Variants in BTBD7 observed in about 807,000 individuals in gnomAD.
BTBD7 encodes the protein BTB domain containing 7.
In BTBD7, 38 loss-of-function variants were observed where a neutral mutation model predicts 99.9. The observed-to-expected ratio is 0.38, with a 90% CI of 0.29 to 0.50. The LOEUF is 0.50. Ranked by LOEUF, BTBD7 falls within the 20% of genes least tolerant of loss-of-function variation. BTBD7 has a pLI of 0.93. For synonymous variants in BTBD7, 520 were observed against 511.4 expected (o/e 1.02, Z -0.23); for missense variants, 1,170 against 1,394.6 (o/e 0.84, Z 2.57).
chr14:93,263,887 T>A lies in BTBD7; in HGVS notation c.1269A>T (p.Leu423Phe). The change falls in exon 4 of 11, where the codon TTA becomes TTT. Residue 423 changes from leucine to phenylalanine, a missense_variant. By Grantham distance (22) the Leu-to-Phe change is conservative. Around this residue, in one of 4 missense-constraint regions of BTBD7, gnomAD observed 309 missense variants for 342.0 expected, o/e 0.90. Coordinates refer to ENST00000334746, the MANE Select transcript of BTBD7 (RefSeq NM_001002860.4). ...GGGAAAATTCCTCACAGAGGAAATG[T>A]AAAGCTTGTCGGTGCACCCATTTAG... ...YGSKWVHRQALHFLCEEFSQV... is the reference protein window; with the variant it reads ...YGSKWVHRQAFHFLCEEFSQV... 1.9e-6 allele frequency: 3 copies of A among 1,614,158 alleles called. No homozygotes were observed. Among genetic ancestry groups the A allele is most frequent in the Non-Finnish European group, 2.5e-6 (3 of 1,180,012 alleles).
chr14:93,242,086 T>TAAAA lies in BTBD7; in HGVS notation c.*183_*186dup. The TAAAA allele has an allele frequency of 1.2e-5, 6 of 485,776 alleles. No homozygotes were observed. The highest frequency in any genetic ancestry group is 1.0e-4 in the East Asian group (3 of 29,994). The allele number at this position is 485,776 out of a possible 1,614,324, so 30.1% of individuals were successfully genotyped here. ...AAGACAAATTAGACAGATGCAACAT[T>TAAAA]AAAAAAAAAAAACAAAACCTTCTTA... On this transcript the variant is annotated 3_prime_UTR_variant, in exon 11 of 11. Transcript: ENST00000334746.
At chr14:93,267,541 C>T (rs2052555573) in intron 3 of BTBD7, among the ~76,000 whole-genome samples, 2 of 152,226 alleles carry the variant, frequency 1.3e-5, no homozygotes, top group South Asian at 4.1e-4. Context: ...CGGCCTTCAC[C>T]TCATTATATC....
chr14:93,323,041 T>G (rs913439247), intron 1 of BTBD7, among the ~76,000 whole-genome samples: 1 of 152,114 alleles, frequency 6.6e-6, no homozygotes, highest in African/African-American at 2.4e-5. Flanking sequence ...GACAATCTCT[T>G]GAGCCTATGA....
rs1484145131 is a variant in BTBD7 at position 93,294,014 on chromosome 14, C to T, written c.1006G>A (p.Val336Met). ...TVILHCMYTD[V>M]VDLSVLHCSP... ...CAGTGCAAAACAGAGAGGTCCACCA[C>T]GTCGGTATACATACAGTGTAATATC... Residue 336 changes from valine (V) to methionine (M), a missense_variant, in exon 3 of 11, where the codon GTG (valine) becomes ATG (methionine). Val to Met is a conservative substitution (Grantham distance 21). Coordinates refer to ENST00000334746, the MANE Select transcript of BTBD7 (RefSeq NM_001002860.4). 14 of 1,613,806 alleles carry T rather than the reference C, an allele frequency of 8.7e-6. No individual in the cohort carries two copies. Among genetic ancestry groups the T allele is most frequent in the Admixed American group, 1.7e-5 (1 of 59,998 alleles).
chr14:93,276,283 T>G (rs2052655612), intron 3 of BTBD7, among the ~76,000 whole-genome samples: 1 of 152,212 alleles, frequency 6.6e-6, no homozygotes, highest in Non-Finnish European at 1.5e-5. Context: ...ATACTATATT[T>G]CCAATCTAAG....
chr14:93,291,467 A>G (rs2139762262), intron 3 of BTBD7, among the ~76,000 whole-genome samples: 1 of 152,312 alleles, frequency 6.6e-6, no homozygotes, highest in South Asian at 2.1e-4. Context: ...TCCTACCTCA[A>G]GCGAGCTAAT....
Position 93,253,667 on chromosome 14 carries a change from G to T in BTBD7, c.1732C>A (p.Pro578Thr). 6.2e-7 allele frequency: 1 copy of T among 1,610,414 alleles called. No homozygotes were observed. ...GIYVRPRLFS[P>T]YVEEAKSVLD... ...ATTACCTTTGCTTCTTCCACATAGG[G>T]AGAGAAGAGTCGAGGACGAACATAG... The change falls in exon 7 of 11, where the codon CCC becomes ACC. Residue 578 changes from proline to threonine, a missense_variant. Pro to Thr is a conservative substitution (Grantham distance 38, BLOSUM62 -1). Around this residue, in one of 4 missense-constraint regions of BTBD7, gnomAD observed 309 missense variants for 342.0 expected, o/e 0.90. Transcript: ENST00000334746.
At chr14:93,310,770 CTTTTTTT>C (rs56756515) in intron 1 of BTBD7, among the ~76,000 whole-genome samples, 210 of 116,674 alleles carry the variant, frequency 1.8e-3, no homozygotes, top group Non-Finnish European at 1.6e-3. Context: ...AACCAAAAAA[CTTTTTTT>C]TTTTTTTTTT....
intron 1 of BTBD7, among the ~76,000 whole-genome samples, chr14:93,328,254 G>C (rs2053356432): frequency 6.6e-6 from 1 of 152,040 alleles, no homozygotes. Context: ...TGCAGAAATA[G>C]AAAAACCCAT....
intron 5 of BTBD7, among the ~76,000 whole-genome samples, chr14:93,260,869 T>C (rs1244980476): frequency 6.6e-6 from 1 of 152,074 alleles, no homozygotes; most frequent in African/African-American, 2.4e-5. Context: ...CTACAACATT[T>C]AAAAATAAAC....
chr14:93,269,014 C>A (rs1197509400), intron 3 of BTBD7, among the ~76,000 whole-genome samples: 1 of 152,144 alleles, frequency 6.6e-6, no homozygotes, highest in Non-Finnish European at 1.5e-5. Flanking sequence ...CCGCCTCGGC[C>A]ACCCAAAGTG....
At chr14:93,284,071 CTTT>C (rs1327767646) in intron 3 of BTBD7, among the ~76,000 whole-genome samples, 1 of 151,386 alleles carries the variant, frequency 6.6e-6, no homozygotes, top group African/African-American at 2.4e-5. Context: ...ATTACTATAC[CTTT>C]TTATTATTAA....
chr14:93,271,130 T>C (rs1006022783), intron 3 of BTBD7, among the ~76,000 whole-genome samples: 6 of 152,218 alleles, frequency 3.9e-5, no homozygotes, highest in Non-Finnish European at 8.8e-5. Flanking sequence ...CTGTTTTTAT[T>C]ATCAATTTTT....
At chr14:93,318,306 A>G (rs2053230144) in intron 1 of BTBD7, among the ~76,000 whole-genome samples, 1 of 152,234 alleles carries the variant, frequency 6.6e-6, no homozygotes, top group Admixed American at 6.5e-5. Flanking sequence ...GTAACCTTTA[A>G]AAGGAGGAAG....
At chr14:93,300,732 G>C (rs1315889212) in intron 1 of BTBD7, among the ~76,000 whole-genome samples, 1 of 83,102 alleles carries the variant, frequency 1.2e-5, no homozygotes, top group Non-Finnish European at 2.2e-5. Context: ...GTGTGTGTGT[G>C]TGTGTGTGTG....
In BTBD7 at chr14:93,238,929, G is replaced by A. The variant is rs2052190540; in HGVS notation, c.*3344C>T. 1 of 152,180 alleles carries A rather than the reference G, an allele frequency of 6.6e-6. No homozygotes were observed. Among genetic ancestry groups the A allele is most frequent in the African/African-American group, 2.4e-5 (1 of 41,448 alleles). 9.4% of individuals were successfully genotyped at this position (152,180 alleles called of 1,614,324 possible). A position where few individuals can be genotyped will look rare whatever the true frequency, so the allele number is the denominator to read the frequency against. On this transcript the variant is annotated 3_prime_UTR_variant, in exon 11 of 11. Transcript: ENST00000334746. ...TCTGAGGAAGCAAAAACAAGAATTAGTTAAGGCTTCATAAAGAATTCTATA... is the reference window on the plus strand; with the variant it reads ...TCTGAGGAAGCAAAAACAAGAATTAATTAAGGCTTCATAAAGAATTCTATA...
At chr14:93,248,309 G>A (rs759834680) in intron 9 of BTBD7, among the ~76,000 whole-genome samples, 167 bp downstream of exon 9, 4 of 152,116 alleles carry the variant, frequency 2.6e-5, no homozygotes, top group South Asian at 2.1e-4. Flanking sequence ...ACTCCATGAC[G>A]CTGCCTCTCA....
intron 1 of BTBD7, among the ~76,000 whole-genome samples, chr14:93,312,987 A>G (rs2053156267): frequency 6.6e-6 from 1 of 152,206 alleles, no homozygotes; most frequent in Admixed American, 6.5e-5. Context: ...TGTATACTAT[A>G]TAACTATCCC....
chr14:93,274,559 T>C (rs1222288799), intron 3 of BTBD7, among the ~76,000 whole-genome samples: 1 of 152,240 alleles, frequency 6.6e-6, no homozygotes, highest in Non-Finnish European at 1.5e-5. Context: ...GTACATTCCA[T>C]GTGGCTCATC....
Sources: allele counts gnomAD v4.1 joint callset (sites outside exome capture counted in the v4.1 genomes callset), GRCh38; gene constraint gnomAD v4.1.1; regional missense constraint gnomAD v4.1.1; transcripts MANE v1.5; gene names NCBI Gene and HGNC (gene_info 2026-07-23, HGNC 2026-07-21).